The following TECRL variants were observed in gnomAD, a reference collection of about 807,000 sequenced individuals.
The protein encoded by TECRL is trans-2,3-enoyl-CoA reductase like, also known as trans-2,3-enoyl-CoA reductase-like.
In TECRL, 63 loss-of-function variants were observed where a neutral mutation model predicts 52.8. The observed-to-expected ratio is 1.19, with a 90% CI of 0.97 to 1.47. The LOEUF (loss-of-function observed/expected upper bound fraction) is 1.47, where lower values mean the gene tolerates loss of function less well. TECRL is among the 40% of genes most tolerant of loss of function. TECRL has a pLI of 0.00. For missense variants in TECRL, 482 were observed against 429.6 expected, an observed-to-expected ratio of 1.12 and a Z score of -1.08; for synonymous variants, 164 against 141.9, an observed-to-expected ratio of 1.16 and a Z score of -1.10.
At chr4:64,396,888 C>T (rs1723993404) in intron 1 of TECRL, among the ~76,000 whole-genome samples, 2 of 152,030 alleles carry the variant, frequency 1.3e-5, no homozygotes, top group African/African-American at 4.8e-5. Flanking sequence ...CCAGTTATTC[C>T]AGCACTATTA....
At chr4:64,388,752 T>A (rs943639208) in intron 1 of TECRL, among the ~76,000 whole-genome samples, 8 of 151,916 alleles carry the variant, frequency 5.3e-5, no homozygotes, top group Admixed American at 4.6e-4. Flanking sequence ...TTTTGTTAGA[T>A]TTATACCTAA....
chr4:64,301,754 G>C (rs1038318126), intron 7 of TECRL, among the ~76,000 whole-genome samples: 2 of 151,068 alleles, frequency 1.3e-5, no homozygotes, highest in Non-Finnish European at 3.0e-5. Context: ...AGGGTTCAAA[G>C]CACATTAGGC....
At chr4:64,328,456 A>G (rs1247821452) in intron 3 of TECRL, 56 bp downstream of exon 3, 2 of 1,469,448 alleles carry the variant, frequency 1.4e-6, no homozygotes, top group East Asian at 4.5e-5. Context: ...TCAGCTTTTG[A>G]AAATAGAAAA....
chr4:64,360,412 G>A (rs2348503), intron 2 of TECRL, among the ~76,000 whole-genome samples: 3,150 of 152,224 alleles, frequency 0.021, 111 homozygotes, highest in African/African-American at 0.071. Context: ...TTTGAAGTAT[G>A]TTTCAGCAAA....
chr4:64,364,569 T>C (rs761020561), intron 2 of TECRL, among the ~76,000 whole-genome samples: 1 of 151,796 alleles, frequency 6.6e-6, no homozygotes, highest in Admixed American at 6.6e-5. Context: ...AGAAATGATA[T>C]AGATAACATT....
intron 1 of TECRL, among the ~76,000 whole-genome samples, chr4:64,387,424 C>T (rs1723254693): frequency 6.6e-6 from 1 of 152,066 alleles, no homozygotes; most frequent in South Asian, 2.1e-4. Flanking sequence ...TGAGTAGATA[C>T]CAAGGAGCAT....
intron 2 of TECRL, among the ~76,000 whole-genome samples, chr4:64,339,920 T>C (rs1405476944): frequency 3.3e-5 from 5 of 152,186 alleles, no homozygotes; most frequent in African/African-American, 9.6e-5. Context: ...AATTATAGGA[T>C]CCATAACAAA....
rs184482865 is a variant in TECRL, at chr4:64,316,684, C to T, written c.436-1921G>A. ...AACAGATAAGCAGTCATATACAAACCAAGTACATCGCAAGAACTTACAGAC... is the reference window on the plus strand; with the variant it reads ...AACAGATAAGCAGTCATATACAAACTAAGTACATCGCAAGAACTTACAGAC... On this transcript the variant is annotated intron_variant, in intron 4 of 11. Coordinates refer to ENST00000381210, the MANE Select transcript of TECRL (RefSeq NM_001010874.5). 3.9e-4 allele frequency among the ~76,000 whole-genome samples: 59 copies of T among 152,178 alleles called. No homozygotes were observed. In the East Asian group the frequency reaches 9.3e-3, roughly 24 times the overall value.
chr4:64,284,044 G>A (rs541798072), intron 9 of TECRL, among the ~76,000 whole-genome samples: 47 of 152,160 alleles, frequency 3.1e-4, no homozygotes, highest in African/African-American at 1.1e-3. Context: ...TACCCAGCAT[G>A]AACCAACAAA....
intron 1 of TECRL, among the ~76,000 whole-genome samples, chr4:64,390,386 T>C (rs748607541): frequency 9.9e-5 from 15 of 151,910 alleles, no homozygotes; most frequent in Non-Finnish European, 2.1e-4. Context: ...GTAACTTGAT[T>C]GGCCTGTGAA....
chr4:64,342,381 A>T (rs1719642699), intron 2 of TECRL, among the ~76,000 whole-genome samples: 1 of 152,046 alleles, frequency 6.6e-6, no homozygotes, highest in South Asian at 2.1e-4. Context: ...ATATTTAAAT[A>T]GATGCATGGC....
chr4:64,291,091 TATTTA>T (rs1213006764), intron 8 of TECRL, among the ~76,000 whole-genome samples: 2 of 152,266 alleles, frequency 1.3e-5, no homozygotes, highest in African/African-American at 4.8e-5. Context: ...ACATGCCACA[TATTTA>T]ATTTACTATG....
intron 1 of TECRL, among the ~76,000 whole-genome samples, chr4:64,389,263 A>G (rs1303739093): frequency 6.6e-6 from 1 of 151,888 alleles, no homozygotes; most frequent in East Asian, 1.9e-4. Flanking sequence ...TTTCGGAGAT[A>G]TTATTGATGA....
At chr4:64,355,899 T>C (rs1461947827) in intron 2 of TECRL, among the ~76,000 whole-genome samples, 2 of 151,624 alleles carry the variant, frequency 1.3e-5, no homozygotes. Context: ...GAAAGAGAGA[T>C]CAGGCTGTTA....
chr4:64,281,937 C>T (rs763738204), intron 9 of TECRL, among the ~76,000 whole-genome samples: 1 of 151,740 alleles, frequency 6.6e-6, no homozygotes, highest in Non-Finnish European at 1.5e-5. Flanking sequence ...CTTCACATTC[C>T]CCTTTACTAT....
At chr4:64,293,373 G>A (rs898203799) in intron 8 of TECRL, among the ~76,000 whole-genome samples, 3 of 151,734 alleles carry the variant, frequency 2.0e-5, no homozygotes, top group Non-Finnish European at 4.4e-5. Context: ...AACCTACAAA[G>A]GACTTTTGTT....
chr4:64,383,333 T>C (rs1029662782), intron 1 of TECRL, among the ~76,000 whole-genome samples: 7 of 152,140 alleles, frequency 4.6e-5, no homozygotes, highest in African/African-American at 1.4e-4. Flanking sequence ...TTTCAGCTAT[T>C]AGTTCATTAG....
At chr4:64,402,666 G>A (rs1274562209) in intron 1 of TECRL, among the ~76,000 whole-genome samples, 2 of 152,098 alleles carry the variant, frequency 1.3e-5, no homozygotes, top group Non-Finnish European at 2.9e-5. Context: ...ATTACAAAAT[G>A]TGTATTGAGC....
At chr4:64,394,165 C>T (rs866191753) in intron 1 of TECRL, among the ~76,000 whole-genome samples, 4 of 152,080 alleles carry the variant, frequency 2.6e-5, no homozygotes, top group Non-Finnish European at 2.9e-5. Context: ...TGAATTATAA[C>T]GTCACTTTCA....
Sources: gnomAD v4.1 joint callset for allele counts (sites outside exome capture counted in the v4.1 genomes callset) on GRCh38, gnomAD v4.1.1 for gene constraint, MANE v1.5 for transcripts, NCBI Gene and HGNC (gene_info 2026-07-23, HGNC 2026-07-21) for gene names.